RAB2A: variants seen among roughly 807,000 people sequenced by gnomAD.
RAB2A encodes the protein ras-related protein Rab-2A.
RAB2A carries 7 observed loss-of-function variants against 32.5 expected under a neutral mutation model. The ratio of observed to expected loss-of-function variants is 0.22; its 90% CI spans 0.12 to 0.40. RAB2A has a LOEUF of 0.40. RAB2A is among the 10% of genes least tolerant of loss of function. The pLI, the probability that RAB2A is intolerant of heterozygous loss-of-function variation, is 1.00. For synonymous variants in RAB2A, 79 were observed against 85.2 expected (o/e 0.93, Z 0.40); for missense variants, 108 against 260.7 (o/e 0.41, Z 4.03).
Position 60,568,458 on chromosome 8 carries a change from A to G in RAB2A, c.119-3588A>G, listed in dbSNP as rs142607622. 3.6e-3 allele frequency among the ~76,000 whole-genome samples: 547 copies of G among 152,332 alleles called. 3 individuals carry two copies. The highest frequency in any genetic ancestry group is 7.8e-3 in the Admixed American group (119 of 15,300). ...AATTATACCTAACATATTAAATACT[A>G]TGTGCCAGGCATTGTTCTATTTTAT... On this transcript the variant is annotated intron_variant, in intron 2 of 7. Transcript: ENST00000262646.
chr8:60,564,533 T>C (rs995365966), intron 2 of RAB2A, among the ~76,000 whole-genome samples: 19 of 152,150 alleles, frequency 1.2e-4, no homozygotes, highest in African/African-American at 2.9e-4. Context: ...ATTCCACTTA[T>C]CCCTCCTCCC....
At chr8:60,591,494 TGGA>T (rs2130853759) in intron 5 of RAB2A, among the ~76,000 whole-genome samples, 1 of 152,302 alleles carries the variant, frequency 6.6e-6, no homozygotes, top group East Asian at 1.9e-4. Context: ...GTCTGGCCAA[TGGA>T]GGAGAATAGT....
At chr8:60,517,363 T>C in intron 1 of RAB2A, 110 bp downstream of exon 1, 1 of 1,033,832 alleles carries the variant, frequency 9.7e-7, no homozygotes, top group Non-Finnish European at 1.3e-6. Context: ...GGCGCCTCCC[T>C]CCTGGCCGCG....
intron 6 of RAB2A, among the ~76,000 whole-genome samples, chr8:60,617,525 A>G (rs1381193358): frequency 6.6e-6 from 1 of 152,056 alleles, no homozygotes; most frequent in Non-Finnish European, 1.5e-5. Context: ...TTTTCCTCTC[A>G]TGGTCATGAT....
chr8:60,568,056 A>G (rs894022861), intron 2 of RAB2A, among the ~76,000 whole-genome samples: 2 of 152,218 alleles, frequency 1.3e-5, no homozygotes, highest in Non-Finnish European at 2.9e-5. Flanking sequence ...TAGAATTAGG[A>G]AAAATCAGGC....
At chr8:60,547,648 G>T (rs1355266508) in intron 1 of RAB2A, among the ~76,000 whole-genome samples, 3 of 97,938 alleles carry the variant, frequency 3.1e-5, no homozygotes, top group African/African-American at 3.8e-5. Flanking sequence ...CTGGCCAGGC[G>T]GGGGGCTGAC....
intron 1 of RAB2A, among the ~76,000 whole-genome samples, chr8:60,554,860 AAAAG>A (rs1209249282): frequency 5.9e-5 from 9 of 152,186 alleles, no homozygotes; most frequent in East Asian, 1.9e-4. Flanking sequence ...CTCAAAAAAA[AAAAG>A]AAAGAAAAAA....
At chr8:60,523,590 C>G (rs1004132526) in intron 1 of RAB2A, among the ~76,000 whole-genome samples, 1 of 152,082 alleles carries the variant, frequency 6.6e-6, no homozygotes, top group Non-Finnish European at 1.5e-5. Flanking sequence ...TTTAGTTTTG[C>G]CCATTTTTAG....
At chr8:60,567,555 A>G (rs1808134270) in intron 2 of RAB2A, among the ~76,000 whole-genome samples, 1 of 152,046 alleles carries the variant, frequency 6.6e-6, no homozygotes, top group African/African-American at 2.4e-5. Flanking sequence ...TTTAAATTTG[A>G]AAATAGTTTT....
chr8:60,528,981 G>A (rs183127116), intron 1 of RAB2A, among the ~76,000 whole-genome samples: 3 of 152,254 alleles, frequency 2.0e-5, no homozygotes, highest in Admixed American at 2.0e-4. Context: ...TTTAAAGAGG[G>A]CTTATAGTAA....
Position 60,621,288 on chromosome 8 carries a change from G to A in RAB2A, c.*519G>A, listed in dbSNP as rs1286979661. ...ATTTGCCAAGCTTGAATTCTTTAAT[G>A]CATTTGCATAAATTCTATACTGTTT... On this transcript the variant is annotated 3_prime_UTR_variant, in exon 8 of 8. Coordinates refer to ENST00000262646, the MANE Select transcript of RAB2A (RefSeq NM_002865.3). 6.6e-6 allele frequency: 1 copy of A among 152,270 alleles called. No individual in the cohort carries two copies. The highest frequency in any genetic ancestry group is 1.5e-5 in the Non-Finnish European group (1 of 68,140). The allele number at this position is 152,270 out of a possible 1,614,324, so 9.4% of individuals were successfully genotyped here.
At chr8:60,608,956 A>G (rs572068500) in intron 6 of RAB2A, among the ~76,000 whole-genome samples, 1 of 152,206 alleles carries the variant, frequency 6.6e-6, no homozygotes, top group South Asian at 2.1e-4. Flanking sequence ...TTCTGTCATA[A>G]TTGTATCCTA....
chr8:60,610,411 G>A (rs1804323178), intron 6 of RAB2A, among the ~76,000 whole-genome samples: 1 of 152,176 alleles, frequency 6.6e-6, no homozygotes, highest in Non-Finnish European at 1.5e-5. Context: ...GGACCATCTT[G>A]TCTTGGGCTT....
chr8:60,614,913 G>A (rs542214993), intron 6 of RAB2A, among the ~76,000 whole-genome samples: 70 of 152,274 alleles, frequency 4.6e-4, no homozygotes, highest in Admixed American at 1.4e-3. Flanking sequence ...ACAGAGCACC[G>A]GCCACATGGG....
At chr8:60,521,434 A>G (rs552142339) in intron 1 of RAB2A, among the ~76,000 whole-genome samples, 130 of 152,202 alleles carry the variant, frequency 8.5e-4, no homozygotes, top group Non-Finnish European at 1.6e-3. Context: ...TGAAATTACA[A>G]GGTTATGTAG....
At chr8:60,564,696 G>A (rs552274178) in intron 2 of RAB2A, among the ~76,000 whole-genome samples, 90 of 151,940 alleles carry the variant, frequency 5.9e-4, no homozygotes, top group South Asian at 4.2e-3. Flanking sequence ...TACCCATACC[G>A]CATTCATACC....
chr8:60,542,933 A>G (rs1807669682), intron 1 of RAB2A, among the ~76,000 whole-genome samples: 1 of 152,236 alleles, frequency 6.6e-6, no homozygotes, highest in Non-Finnish European at 1.5e-5. Flanking sequence ...GCATTCAATT[A>G]ATATTCTTTG....
chr8:60,528,597 A>G (rs993163859), intron 1 of RAB2A, among the ~76,000 whole-genome samples: 2 of 151,692 alleles, frequency 1.3e-5, no homozygotes, highest in Admixed American at 1.3e-4. Flanking sequence ...TTTTTTTCCT[A>G]CCCTGTGTTG....
chr8:60,596,474 A>C (rs754967680), intron 6 of RAB2A, among the ~76,000 whole-genome samples: 6 of 152,194 alleles, frequency 3.9e-5, no homozygotes, highest in Admixed American at 1.3e-4. Context: ...CCCCATCAAA[A>C]AGTGGGCGAA....
Sources: allele counts gnomAD v4.1 joint callset (sites outside exome capture counted in the v4.1 genomes callset), GRCh38; gene constraint gnomAD v4.1.1; transcripts MANE v1.5; gene names NCBI Gene and HGNC (gene_info 2026-07-23, HGNC 2026-07-21).